PCDHA3: variants seen among roughly 807,000 people sequenced by gnomAD.
PCDHA3 encodes the protein protocadherin alpha-3.
A neutral mutation model predicts 62.2 loss-of-function variants in PCDHA3; 41 were observed. The ratio of observed to expected loss-of-function variants is 0.66; its 90% confidence interval spans 0.51 to 0.86. PCDHA3 has a LOEUF of 0.86. PCDHA3 is among the 40% of genes least tolerant of loss of function. PCDHA3 has a pLI of 0.00. For synonymous variants in PCDHA3, 640 were observed against 555.4 expected (o/e 1.15, Z -2.14); for missense variants, 1,304 against 1,241.2 (o/e 1.05, Z -0.76).
rs546348432 is a variant in PCDHA3, at chr5:141,012,203, T to G, written c.*2266T>G. ...TTATAATGTATCTGTACAGCACTTTTTACATTTGCGAAGTGCTTTCCAATC... is the reference window on the plus strand; with the variant it reads ...TTATAATGTATCTGTACAGCACTTTGTACATTTGCGAAGTGCTTTCCAATC... On this transcript the variant is annotated 3_prime_UTR_variant, in exon 4 of 4. Transcript: ENST00000522353. 2.0e-5 allele frequency: 3 copies of G among 153,792 alleles called. No individual in the cohort carries two copies. The highest frequency in any genetic ancestry group is 4.4e-5 in the Non-Finnish European group (3 of 68,050). The allele number at this position is 153,792 out of a possible 1,614,324, so 9.5% of individuals were successfully genotyped here.
intron 1 of PCDHA3, among the ~76,000 whole-genome samples, chr5:140,965,377 A>G (rs1479954226): frequency 6.6e-6 from 1 of 152,190 alleles, no homozygotes; most frequent in Non-Finnish European, 1.5e-5. Flanking sequence ...AAACTTGGGG[A>G]CACAGAAGAA....
intron 1 of PCDHA3, chr5:140,928,828 C>G (rs199775949): frequency 6.2e-7 from 1 of 1,614,160 alleles, no homozygotes. Context: ...AGACCCACCA[C>G]TTTCCTCCTC....
At chr5:140,870,570 G>A in intron 1 of PCDHA3, 1 of 1,613,972 alleles carries the variant, frequency 6.2e-7, no homozygotes, top group Non-Finnish European at 8.5e-7. Flanking sequence ...ACGCGCTGGT[G>A]TCCTACTCGC....
At chr5:140,903,608 C>G (rs2070424862) in intron 1 of PCDHA3, among the ~76,000 whole-genome samples, 1 of 152,124 alleles carries the variant, frequency 6.6e-6, no homozygotes, top group African/African-American at 2.4e-5. Flanking sequence ...GCTTAATACA[C>G]ATGAATGTGC....
chr5:140,965,954 C>A lies in PCDHA3; in HGVS notation c.2395-12995C>A, dbSNP rs567785452. Among the ~76,000 whole-genome samples the A allele has an allele frequency of 9.8e-4, 149 of 152,300 alleles. 1 individual carries two copies. The highest frequency in any genetic ancestry group is 1.7e-3 in the Non-Finnish European group (115 of 68,034). The stretch of plus-strand genomic sequence containing the variant: ...GGAAAGAGGGCAGCATTTGCCATCC[C>A]CCTCCTTTTGCCCTAGGAGTTGAGC... On this transcript the variant is annotated intron_variant, in intron 1 of 3. Coordinates refer to ENST00000522353, the MANE Select transcript of PCDHA3 (RefSeq NM_018906.3).
intron 1 of PCDHA3, among the ~76,000 whole-genome samples, chr5:140,903,060 T>C (rs1412957275): frequency 6.6e-6 from 1 of 152,316 alleles, no homozygotes; most frequent in East Asian, 1.9e-4. Flanking sequence ...TGACTTCTTT[T>C]CCTTTGGGTA....
chr5:140,808,798 T>G (rs2337987), intron 1 of PCDHA3: 868,108 of 1,612,488 alleles, frequency 0.54, 235,386 homozygotes, highest in African/African-American at 0.7. Flanking sequence ...AGGTGACCGC[T>G]CGCGATGCCG....
chr5:140,824,519 A>G (rs1465861980), intron 1 of PCDHA3: 1 of 220,416 alleles, frequency 4.5e-6, no homozygotes, highest in African/African-American at 2.3e-5. Flanking sequence ...TGATCTGATC[A>G]TAGCTCACCG....
In PCDHA3 at chr5:140,802,635, C is replaced by T. The variant is rs527490380; in HGVS notation, c.1438C>T (p.Arg480Trp). Reference sequence around the variant, plus strand: ...CTGCCACATCTTCACGGTGTCTGCGCGGGACGCGGACGCGCAGGAGAACGC... The same window carrying T: ...CTGCCACATCTTCACGGTGTCTGCGTGGGACGCGGACGCGCAGGAGAACGC... ...PGCHIFTVSARDADAQENALV... is the reference protein window; with the variant it reads ...PGCHIFTVSAWDADAQENALV... The change falls in exon 1 of 4, where the codon CGG becomes TGG. Residue 480 changes from arginine to tryptophan, a missense_variant. By Grantham distance (101) the Arg-to-Trp change is moderately radical (BLOSUM62 -3). Coordinates refer to ENST00000522353, the MANE Select transcript of PCDHA3 (RefSeq NM_018906.3). The T allele has an allele frequency of 8.5e-5, 137 of 1,613,810 alleles. No individual in the cohort carries two copies. Among genetic ancestry groups the T allele is most frequent in the Non-Finnish European group, 1.1e-4 (128 of 1,179,892 alleles).
At chr5:140,992,131 T>C (rs1554252686) in intron 3 of PCDHA3, among the ~76,000 whole-genome samples, 1 of 151,874 alleles carries the variant, frequency 6.6e-6, no homozygotes, top group African/African-American at 2.4e-5. Flanking sequence ...GAACAGTGAC[T>C]GATGATGCTA....
intron 1 of PCDHA3, chr5:140,927,106 A>G: frequency 6.2e-7 from 1 of 1,613,678 alleles, no homozygotes; most frequent in Non-Finnish European, 8.5e-7. Context: ...GGATCTACCC[A>G]GCGGCAATTT....
chr5:140,849,562 C>T, intron 1 of PCDHA3: 2 of 1,598,556 alleles, frequency 1.3e-6, no homozygotes, highest in Non-Finnish European at 1.7e-6. Context: ...AAAACGCTCT[C>T]GGTTCCTGTA....
chr5:140,809,156 C>A lies in PCDHA3; in HGVS notation c.2394+5565C>A, dbSNP rs142332964. ...GGTACTGGTGAAGGACCACGGCGAG[C>A]CCGCGCTGACGGCCACGGCCACTGT... On this transcript the variant is annotated intron_variant, in intron 1 of 3. Coordinates refer to ENST00000522353, the MANE Select transcript of PCDHA3 (RefSeq NM_018906.3). 1,245 of 1,613,862 alleles carry A rather than the reference C, an allele frequency of 7.7e-4. No individual in the cohort carries two copies. Among genetic ancestry groups the A allele is most frequent in the Non-Finnish European group, 1.0e-3 (1,205 of 1,179,950 alleles).
rs144631339 is a variant in PCDHA3 at position 140,834,572 on chromosome 5, G to T, written c.2394+30981G>T. 285 of 1,614,126 alleles carry T rather than the reference G, an allele frequency of 1.8e-4. 1 individual carries two copies. In the African/African-American group the frequency reaches 1.9e-3, roughly 11 times the overall value. ...AGCTGGCGGAGCTGGTGCCGCGCCTGTTCCGGGCGGTGTGCAAATTCCGTG... is the reference window on the plus strand; with the variant it reads ...AGCTGGCGGAGCTGGTGCCGCGCCTTTTCCGGGCGGTGTGCAAATTCCGTG... On this transcript the variant is annotated intron_variant, in intron 1 of 3. Transcript: ENST00000522353.
intron 1 of PCDHA3, among the ~76,000 whole-genome samples, chr5:140,827,069 GC>G (rs1769168909): frequency 6.6e-6 from 1 of 152,160 alleles, no homozygotes; most frequent in Non-Finnish European, 1.5e-5. Context: ...CTCATGCCTT[GC>G]TATTTAACAA....
At chr5:140,966,997 G>A in intron 1 of PCDHA3, 3 of 1,604,812 alleles carry the variant, frequency 1.9e-6, no homozygotes, top group Non-Finnish European at 2.5e-6. Flanking sequence ...CGGGTTGCTT[G>A]CGCATCAACC....
intron 1 of PCDHA3, chr5:140,823,691 C>T (rs2150128189): frequency 1.9e-6 from 3 of 1,613,862 alleles, no homozygotes; most frequent in Non-Finnish European, 2.5e-6. Flanking sequence ...CTGGATGAGA[C>T]CGAAGCACCG....
chr5:140,849,790 C>A (rs2150450402), intron 1 of PCDHA3: 2 of 1,598,236 alleles, frequency 1.3e-6, no homozygotes, highest in Admixed American at 3.4e-5. Context: ...GACGGGGGCT[C>A]GCCTTCACTG....
chr5:141,000,393 CTCTATATATATA>C (rs1208951211), intron 3 of PCDHA3, among the ~76,000 whole-genome samples: 9 of 52,848 alleles, frequency 1.7e-4, no homozygotes, highest in African/African-American at 6.4e-4. Context: ...CTCTCTCTCT[CTCTATATATATA>C]TATATATATA....
Sources: allele counts gnomAD v4.1 joint callset (sites outside exome capture counted in the v4.1 genomes callset), GRCh38; gene constraint gnomAD v4.1.1; transcripts MANE v1.5; gene names NCBI Gene and HGNC (gene_info 2026-07-23, HGNC 2026-07-21).